SPINT2: variants seen among roughly 807,000 people sequenced by gnomAD.
SPINT2 encodes serine peptidase inhibitor, Kunitz type 2, also known as kunitz-type protease inhibitor 2.
In SPINT2, 18 loss-of-function variants were observed where a neutral mutation model predicts 30.1. That is an observed-to-expected ratio of 0.60 (90% CI 0.41 to 0.89). The LOEUF is 0.89. Ranked by LOEUF, SPINT2 falls within the 40% of genes least tolerant of loss-of-function variation. The pLI is 0.00. For synonymous variants in SPINT2, 139 were observed against 137.9 expected, an observed-to-expected ratio of 1.01 and a Z score of -0.05; for missense variants, 276 against 334.3, an observed-to-expected ratio of 0.83 and a Z score of 1.36.
Position 38,283,671 on chromosome 19 carries a change from A to C in SPINT2, c.151A>C (p.Met51Leu), listed in dbSNP as rs202094610. ...SKVVGRCRAS[M>L]PRWWYNVTDG... ...GGTGGTGGGCAGATGCCGGGCCTCC[A>C]TGCCTAGGTGGTGGTACAATGTCAC... The change falls in exon 2 of 7, where the codon ATG becomes CTG. Residue 51 changes from methionine (M) to leucine (L), a missense_variant. By Grantham distance (15) the Met-to-Leu change is conservative (BLOSUM62 2). Coordinates refer to ENST00000301244, the MANE Select transcript of SPINT2 (RefSeq NM_021102.4). 2.5e-6 allele frequency: 4 copies of C among 1,614,050 alleles called. No individual in the cohort carries two copies. Among genetic ancestry groups the C allele is most frequent in the Non-Finnish European group, 3.4e-6 (4 of 1,180,022 alleles).
At chr19:38,283,562 C>T in intron 1 of SPINT2, 65 bp from the exon 2 acceptor site, 2 of 1,601,706 alleles carry the variant, frequency 1.2e-6, no homozygotes, top group Non-Finnish European at 1.7e-6. Context: ...ATGTACAGGT[C>T]TGTGCGTGTC....
chr19:38,276,858 TG>T (rs1006429219), intron 1 of SPINT2, among the ~76,000 whole-genome samples: 1 of 151,962 alleles, frequency 6.6e-6, no homozygotes, highest in African/African-American at 2.4e-5. Context: ...TGGAGTGCAG[TG>T]GCGTGATCTC....
intron 1 of SPINT2, among the ~76,000 whole-genome samples, chr19:38,270,723 T>A (rs1968444736): frequency 6.6e-6 from 1 of 152,220 alleles, no homozygotes; most frequent in Non-Finnish European, 1.5e-5. Flanking sequence ...ACTTCTCCTC[T>A]TTCACCCTGC....
At chr19:38,267,297 G>T (rs1968391176) in intron 1 of SPINT2, among the ~76,000 whole-genome samples, 1 of 152,170 alleles carries the variant, frequency 6.6e-6, no homozygotes, top group Non-Finnish European at 1.5e-5. Context: ...GCTCCTTCCT[G>T]ATTGCTTCTG....
chr19:38,282,179 C>T (rs1022618967), intron 1 of SPINT2, among the ~76,000 whole-genome samples: 2 of 152,164 alleles, frequency 1.3e-5, no homozygotes, highest in Non-Finnish European at 2.9e-5. Context: ...GTTTCATGCC[C>T]ATCACTGTGA....
intron 1 of SPINT2, among the ~76,000 whole-genome samples, chr19:38,270,857 G>A (rs1166154362): frequency 6.6e-6 from 1 of 152,238 alleles, no homozygotes; most frequent in Non-Finnish European, 1.5e-5. Flanking sequence ...TGTGGCTCAT[G>A]TGAGGCGGGA....
At chr19:38,288,799 C>T in intron 3 of SPINT2, 1 of 316,816 alleles carries the variant, frequency 3.2e-6, no homozygotes, top group South Asian at 3.1e-5. Context: ...CCCCACACAC[C>T]AGCTCTGGTT....
rs764058205 is a variant in SPINT2 at position 38,291,901 on chromosome 19, C to A, written c.654C>A (p.Val218=). The A allele has an allele frequency of 6.2e-7, 1 of 1,613,990 alleles. No homozygotes were observed. The highest frequency in any genetic ancestry group is 8.5e-7 in the Non-Finnish European group (1 of 1,179,996). ...VLILFLGASM[V]YLIRVARRNQ... ...TCCTCTTCCTGGGAGCCTCCATGGT[C>A]TACCTGATCCGGGTGGCACGGAGGA... Residue 218 remains valine, a synonymous_variant, in exon 7 of 7, where the codon GTC becomes GTA. Coordinates refer to ENST00000301244, the MANE Select transcript of SPINT2 (RefSeq NM_021102.4).
intron 1 of SPINT2, among the ~76,000 whole-genome samples, chr19:38,266,415 C>CCTGT (rs1968379543): frequency 1.3e-5 from 2 of 152,002 alleles, no homozygotes; most frequent in African/African-American, 4.8e-5. Context: ...GTGGCTCATG[C>CCTGT]CTGTAATCCT....
intron 2 of SPINT2, among the ~76,000 whole-genome samples, chr19:38,285,945 G>A (rs565456007): frequency 2.0e-5 from 3 of 152,268 alleles, no homozygotes; most frequent in South Asian, 4.2e-4. Flanking sequence ...GAAGTGTTGA[G>A]AACTCAGGCA....
rs1968705265 is a variant in SPINT2 at position 38,290,582 on chromosome 19, G to T, written c.592+7G>T. 1 of 1,613,838 alleles carries T rather than the reference G, an allele frequency of 6.2e-7. No individual in the cohort carries two copies. Among genetic ancestry groups the T allele is most frequent in the African/African-American group, 1.3e-5 (1 of 75,060 alleles). On this transcript the variant is annotated splice_region_variant and intron_variant, in intron 6 of 6. Coordinates refer to ENST00000301244, the MANE Select transcript of SPINT2 (RefSeq NM_021102.4). This position sits in a 1 kb window ranked among gnomAD's most constrained non-coding sequence, Gnocchi z 4.3. ...CTGCCCCTTGGCTCAAAGGGTAAGT[G>T]GCCCCTTACCCTCCTCCTGCCATCA...
intron 1 of SPINT2, among the ~76,000 whole-genome samples, chr19:38,266,023 G>A (rs1968373965): frequency 6.6e-6 from 1 of 152,200 alleles, no homozygotes; most frequent in Admixed American, 6.5e-5. Context: ...TCAGGTGGTC[G>A]GGGGACGTCT....
intron 1 of SPINT2, among the ~76,000 whole-genome samples, chr19:38,273,041 T>C (rs1272225299): frequency 6.6e-6 from 1 of 152,012 alleles, no homozygotes; most frequent in East Asian, 1.9e-4. Flanking sequence ...AACTTTTATA[T>C]CTAAATATTT....
chr19:38,289,161 G>GACC lies in SPINT2; in HGVS notation c.364_366dup (p.His122dup). The GACC allele has an allele frequency of 1.9e-6, 3 of 1,613,958 alleles. No homozygotes were observed. The highest frequency in any genetic ancestry group is 1.7e-6 in the Non-Finnish European group (2 of 1,179,974). ...AGCTCCCAGAAGGCAGGATTCTGAA[G>GACC]ACCACTCCAGCGATATGTTCAACTA... is the stretch of plus-strand genomic sequence containing the variant. On this transcript the variant is annotated inframe_insertion, in exon 4 of 7. Transcript: ENST00000301244.
chr19:38,289,882 A>G, intron 4 of SPINT2: 1 of 573,884 alleles, frequency 1.7e-6, no homozygotes. Context: ...TGCATGTAAA[A>G]GGCCTAGAAC....
intron 1 of SPINT2, among the ~76,000 whole-genome samples, chr19:38,282,142 G>A (rs746566667): frequency 2.1e-4 from 32 of 152,134 alleles, no homozygotes; most frequent in Non-Finnish European, 4.3e-4. Flanking sequence ...TTTTTTGTCC[G>A]TTGATTAGTG....
chr19:38,290,684 T>C lies in SPINT2; in HGVS notation c.592+109T>C, dbSNP rs1416845557. 7.2e-7 allele frequency: 1 copy of C among 1,397,448 alleles called. No homozygotes were observed. The highest frequency in any genetic ancestry group is 2.0e-5 in the Admixed American group (1 of 51,078). 86.6% of individuals were successfully genotyped at this position (1,397,448 alleles called of 1,614,324 possible). ...ACATTATCCTTCACTGTGAACATCA[T>C]CTTGGCAGAAAGTCATGTTTCTGCG... On this transcript the variant is annotated intron_variant, in intron 6 of 6. Coordinates refer to ENST00000301244, the MANE Select transcript of SPINT2 (RefSeq NM_021102.4). This position sits in a 1 kb window ranked among gnomAD's most constrained non-coding sequence, Gnocchi z 4.3.
At position 38,290,919 on chromosome 19, in the gene SPINT2, C is replaced by T. The variant is rs1020418232; in HGVS notation, c.592+344C>T. 17 of 425,734 alleles carry T rather than the reference C, an allele frequency of 4.0e-5. No individual in the cohort carries two copies. Among genetic ancestry groups the T allele is most frequent in the African/African-American group, 2.2e-4 (11 of 49,500 alleles). The allele number at this position is 425,734 out of a possible 1,614,324, so 26.4% of individuals were successfully genotyped here. A position where few individuals can be genotyped will look rare whatever the true frequency, so the allele number is the denominator to read the frequency against. On this transcript the variant is annotated intron_variant, in intron 6 of 6. Transcript: ENST00000301244. This position sits in a 1 kb window ranked among gnomAD's most constrained non-coding sequence, Gnocchi z 4.3. Reference sequence around the variant, plus strand: ...CTATGTGGGGCATAAGAGTTGGTCACGGGTGACAGGACGGAGGACCACGGG... The same window carrying T: ...CTATGTGGGGCATAAGAGTTGGTCATGGGTGACAGGACGGAGGACCACGGG...
chr19:38,267,274 CT>C (rs922593970), intron 1 of SPINT2, among the ~76,000 whole-genome samples: 5 of 152,098 alleles, frequency 3.3e-5, no homozygotes, highest in South Asian at 2.1e-4. Flanking sequence ...GCAGTTTTGA[CT>C]TTTTTTTCCT....
Sources: allele counts gnomAD v4.1 joint callset (sites outside exome capture counted in the v4.1 genomes callset), GRCh38; gene constraint gnomAD v4.1.1; non-coding constraint Gnocchi (gnomAD v3.1); transcripts MANE v1.5; gene names NCBI Gene and HGNC (gene_info 2026-07-23, HGNC 2026-07-21).